AGK: variants seen among roughly 807,000 people sequenced by gnomAD.
AGK encodes acylglycerol kinase, also known as acylglycerol kinase, mitochondrial.
In AGK, 52 loss-of-function variants were observed where a neutral mutation model predicts 66.4. The observed-to-expected ratio is 0.78, with a 90% confidence interval of 0.63 to 0.99. The LOEUF (loss-of-function observed/expected upper bound fraction) is 0.99. Ranked by LOEUF, AGK falls within the 50% of genes least tolerant of loss-of-function variation. The pLI, the probability that AGK is intolerant of heterozygous loss-of-function variation, is 0.00. For missense variants in AGK, 451 were observed against 506.6 expected, an observed-to-expected ratio of 0.89 and a Z score of 1.05; for synonymous variants, 182 against 181.1, an observed-to-expected ratio of 1.00 and a Z score of -0.04.
At chr7:141,572,808 G>A (rs1019444069) in intron 2 of AGK, among the ~76,000 whole-genome samples, 2 of 152,152 alleles carry the variant, frequency 1.3e-5, no homozygotes, top group Non-Finnish European at 2.9e-5. Flanking sequence ...GGCTATGGGG[G>A]GGGGAAATGT....
intron 2 of AGK, chr7:141,561,970 G>C (rs1363652379): frequency 2.2e-6 from 1 of 447,400 alleles, no homozygotes; most frequent in Non-Finnish European, 4.5e-6. Flanking sequence ...GCGGGCTCTA[G>C]GCTGGTGCTG....
intron 9 of AGK, among the ~76,000 whole-genome samples, chr7:141,627,287 T>C (rs1587143516): frequency 1.4e-5 from 2 of 146,016 alleles, no homozygotes; most frequent in Non-Finnish European, 3.0e-5. Context: ...TAAACTCTTA[T>C]TTTTTTTTCT....
In AGK at chr7:141,655,068, GTAACAAT is replaced by G. The variant is rs1326002920; in HGVS notation, c.*2145_*2151del. 6.6e-6 allele frequency: 1 copy of G among 152,192 alleles called. No individual in the cohort carries two copies. Among genetic ancestry groups the G allele is most frequent in the East Asian group, 1.9e-4 (1 of 5,196 alleles). The allele number at this position is 152,192 out of a possible 1,614,324, so 9.4% of individuals were successfully genotyped here. ...AGAGCATTTAGCATATCGTGGTTCT[GTAACAAT>G]ATCAAGGACCAGTGCAGAATCTGGC... On this transcript the variant is annotated 3_prime_UTR_variant, in exon 16 of 16. Transcript: ENST00000649286.
rs957496582 is a variant in AGK at position 141,611,240 on chromosome 7, A to C, written c.343A>C (p.Asn115His). ...QAKKLLELME[N>H]TDVIIVAGGD... ...CAAGAAACTCCTGGAACTGATGGAA[A>C]ACACGGATGTGATCATTGTTGCAGG... The change falls in exon 6 of 16, where the codon AAC becomes CAC. Residue 115 changes from asparagine to histidine, a missense_variant. Coordinates refer to ENST00000649286, the MANE Select transcript of AGK (RefSeq NM_018238.4). 1.3e-5 allele frequency: 21 copies of C among 1,613,518 alleles called. No homozygotes were observed. Among genetic ancestry groups the C allele is most frequent in the Admixed American group, 1.0e-4 (6 of 59,982 alleles).
intron 4 of AGK, among the ~76,000 whole-genome samples, chr7:141,597,890 C>CAAAAAAAAAAA (rs56295907): frequency 1.3e-3 from 95 of 71,410 alleles, no homozygotes; most frequent in African/African-American, 1.9e-3. Context: ...GACTCTGTCT[C>CAAAAAAAAAAA]AAAAAAAAAA....
intron 8 of AGK, among the ~76,000 whole-genome samples, chr7:141,617,633 G>A (rs1196732300): frequency 6.6e-6 from 1 of 152,194 alleles, no homozygotes; most frequent in Non-Finnish European, 1.5e-5. Context: ...CCATGCTACA[G>A]TGCTGCTTTA....
At chr7:141,570,857 C>T (rs910302228) in intron 2 of AGK, among the ~76,000 whole-genome samples, 1 of 152,052 alleles carries the variant, frequency 6.6e-6, no homozygotes, top group Non-Finnish European at 1.5e-5. Context: ...ACATTTTGTT[C>T]AAATCAGTAT....
At chr7:141,649,416 CAG>C in intron 14 of AGK, 83 bp downstream of exon 14, 1 of 1,016,454 alleles carries the variant, frequency 9.8e-7, no homozygotes, top group Non-Finnish European at 1.5e-6. Flanking sequence ...AAGTCTAAGA[CAG>C]AAATCCAGCC....
chr7:141,641,905 G>A lies in AGK; in HGVS notation c.972G>A (p.Pro324=), dbSNP rs564152492. 40 of 1,573,458 alleles carry A rather than the reference G, an allele frequency of 2.5e-5. No homozygotes were observed. The highest frequency in any genetic ancestry group is 3.3e-4 in the Middle Eastern group (2 of 6,014). Residue 324 remains proline, a synonymous_variant, in exon 13 of 16, where the codon CCG becomes CCA. Coordinates refer to ENST00000649286, the MANE Select transcript of AGK (RefSeq NM_018238.4). ...SITTRNNQLD[P]TSKEDFLNIC... Reference sequence around the variant, plus strand: ...CAACACGGAATAATCAGCTTGACCCGACAGTAAGTGTGCTTTTTTATTAGA... The same window carrying A: ...CAACACGGAATAATCAGCTTGACCCAACAGTAAGTGTGCTTTTTTATTAGA...
At chr7:141,644,560 C>A (rs1416143204) in intron 13 of AGK, among the ~76,000 whole-genome samples, 1 of 152,102 alleles carries the variant, frequency 6.6e-6, no homozygotes, top group African/African-American at 2.4e-5. Context: ...ATCTCTTATA[C>A]AACTATGCTC....
chr7:141,591,732 A>G (rs956320890), intron 2 of AGK, among the ~76,000 whole-genome samples: 3 of 152,198 alleles, frequency 2.0e-5, no homozygotes, highest in African/African-American at 7.2e-5. Flanking sequence ...GTTATTGTTC[A>G]TCTTTTCTGG....
Position 141,564,574 on chromosome 7 carries a change from T to A in AGK, c.101+9007T>A, listed in dbSNP as rs373345060. 2.6e-4 allele frequency among the ~76,000 whole-genome samples: 39 copies of A among 152,306 alleles called. 1 individual carries two copies. Among genetic ancestry groups the A allele is most frequent in the African/African-American group, 9.4e-4 (39 of 41,582 alleles). Reference sequence around the variant, plus strand: ...CACATGGGGATTATGGGAACTGTAGTTCAGGATGAGATTTGGTGGGGACAC... The same window carrying A: ...CACATGGGGATTATGGGAACTGTAGATCAGGATGAGATTTGGTGGGGACAC... On this transcript the variant is annotated intron_variant, in intron 2 of 15. Coordinates refer to ENST00000649286, the MANE Select transcript of AGK (RefSeq NM_018238.4).
At chr7:141,596,489 G>T in intron 3 of AGK, 73 bp from the exon 4 acceptor site, 2 of 1,352,966 alleles carry the variant, frequency 1.5e-6, no homozygotes, top group South Asian at 2.4e-5. Flanking sequence ...ATTTTTTTTG[G>T]AATGAAAGAA....
At chr7:141,618,260 C>T (rs749765918) in intron 8 of AGK, among the ~76,000 whole-genome samples, 6 of 152,148 alleles carry the variant, frequency 3.9e-5, no homozygotes, top group African/African-American at 7.2e-5. Flanking sequence ...CCATTTGATA[C>T]GTCCAAAGCA....
chr7:141,604,153 C>A (rs1051418129), intron 5 of AGK, among the ~76,000 whole-genome samples: 3 of 151,580 alleles, frequency 2.0e-5, no homozygotes, highest in African/African-American at 7.3e-5. Flanking sequence ...CTTTTTATGC[C>A]TCAGTAGAAA....
intron 2 of AGK, among the ~76,000 whole-genome samples, chr7:141,565,643 A>G (rs1795452079): frequency 6.6e-6 from 1 of 152,186 alleles, no homozygotes; most frequent in Non-Finnish European, 1.5e-5. Context: ...GTCTCAAAAA[A>G]AAAAAAAAAT....
At position 141,596,616 on chromosome 7, in the gene AGK, T is replaced by C; in HGVS notation, c.196T>C (p.Phe66Leu). 6.2e-7 allele frequency: 1 copy of C among 1,614,086 alleles called. No individual in the cohort carries two copies. Residue 66 changes from phenylalanine to leucine, a missense_variant, in exon 4 of 16, where the codon TTT becomes CTT. Phe to Leu is a conservative substitution (Grantham distance 22). Coordinates refer to ENST00000649286, the MANE Select transcript of AGK (RefSeq NM_018238.4). ...PNAQVKKATV[F>L]LNPAACKGKA... is the part of the protein sequence containing the mutation. ...TGCACAAGTGAAGAAGGCCACTGTTTTTCTCAATCCTGCAGCTTGCAAAGG... is the reference window on the plus strand; with the variant it reads ...TGCACAAGTGAAGAAGGCCACTGTTCTTCTCAATCCTGCAGCTTGCAAAGG...
At chr7:141,559,709 A>C (rs1795295695) in intron 2 of AGK, among the ~76,000 whole-genome samples, 2 of 152,196 alleles carry the variant, frequency 1.3e-5, no homozygotes, top group Non-Finnish European at 2.9e-5. Context: ...GAACAATATT[A>C]AGTCTTCTAA....
intron 2 of AGK, among the ~76,000 whole-genome samples, chr7:141,557,838 A>G (rs1795245169): frequency 6.6e-6 from 1 of 152,210 alleles, no homozygotes; most frequent in African/African-American, 2.4e-5. Context: ...GCCTTTTTAA[A>G]AAATTGTGGT....
Sources: allele counts gnomAD v4.1 joint callset (sites outside exome capture counted in the v4.1 genomes callset), GRCh38; gene constraint gnomAD v4.1.1; transcripts MANE v1.5; gene names NCBI Gene and HGNC (gene_info 2026-07-23, HGNC 2026-07-21).